Variants in WDFY4 observed in about 807,000 individuals in gnomAD.
WDFY4 encodes WD repeat- and FYVE domain-containing protein 4.
Under a neutral mutation model 351.9 loss-of-function variants are expected in WDFY4, and 169 were observed. That is an observed-to-expected ratio of 0.48 (90% confidence interval 0.42 to 0.55). The LOEUF (loss-of-function observed/expected upper bound fraction) is 0.55. WDFY4 is among the 20% of genes least tolerant of loss of function. The pLI, the probability that WDFY4 is intolerant of heterozygous loss-of-function variation, is 0.00. For synonymous variants in WDFY4, 1,622 were observed against 1,574.6 expected (o/e 1.03, Z -0.71); for missense variants, 3,803 against 3,935.6 (o/e 0.97, Z 0.90).
At chr10:48,803,395 G>A (rs751102548) in intron 25 of WDFY4, 36 bp downstream of exon 25, 32 of 1,545,542 alleles carry the variant, frequency 2.1e-5, no homozygotes, top group Non-Finnish European at 2.7e-5. Flanking sequence ...GGTTAGAACT[G>A]AAGGCTGAAT....
chr10:48,951,691 T>C (rs538959638), intron 51 of WDFY4, among the ~76,000 whole-genome samples: 14 of 152,234 alleles, frequency 9.2e-5, no homozygotes, highest in Non-Finnish European at 1.8e-4. Context: ...GAAAATGTTA[T>C]AGTTCTTAGG....
At chr10:48,931,495 A>C (rs2943249) in intron 47 of WDFY4, among the ~76,000 whole-genome samples, 135,281 of 152,140 alleles carry the variant, frequency 0.89, 61,588 homozygotes, top group East Asian at 1. Flanking sequence ...CTGTTGTGAG[A>C]GGGTGGCCCG....
At chr10:48,934,419 T>C (rs1331283901) in intron 47 of WDFY4, among the ~76,000 whole-genome samples, 3 of 152,138 alleles carry the variant, frequency 2.0e-5, no homozygotes, top group Non-Finnish European at 4.4e-5. Flanking sequence ...GATACAGCAA[T>C]TGAGGCTCAG....
chr10:48,721,407 C>T lies in WDFY4; in HGVS notation c.456+40C>T, dbSNP rs992916492. ...ATCAGCCTCTGCCCTGGGCACTGCT[C>T]ATCTAGGTGCAGAGGGAGGTCCAGC... On this transcript the variant is annotated intron_variant, in intron 4 of 61. Coordinates refer to ENST00000325239, the MANE Select transcript of WDFY4 (RefSeq NM_001394531.1). 7.8e-6 allele frequency: 12 copies of T among 1,532,518 alleles called. No individual in the cohort carries two copies. The Admixed American group carries it at 1.6e-4, about 20-fold the overall frequency. 94.9% of individuals were successfully genotyped at this position (1,532,518 alleles called of 1,614,324 possible). A position where few individuals can be genotyped will look rare whatever the true frequency, so the allele number is the denominator to read the frequency against.
chr10:48,724,520 C>CTT (rs2064200021), intron 5 of WDFY4, among the ~76,000 whole-genome samples: 1 of 152,080 alleles, frequency 6.6e-6, no homozygotes, highest in Non-Finnish European at 1.5e-5. Context: ...GCACCAGGCA[C>CTT]TTTCACAAAT....
chr10:48,887,623 C>CA (rs556227969), intron 43 of WDFY4, among the ~76,000 whole-genome samples: 1 of 151,856 alleles, frequency 6.6e-6, no homozygotes, highest in Non-Finnish European at 1.5e-5. Context: ...CTAAAAAATA[C>CA]AAAAAATTAG....
At position 48,982,825 on chromosome 10, in the gene WDFY4, C is replaced by A; in HGVS notation, c.*250C>A. On this transcript the variant is annotated 3_prime_UTR_variant, in exon 62 of 62. Coordinates refer to ENST00000325239, the MANE Select transcript of WDFY4 (RefSeq NM_001394531.1). ...CGCTGGAAACTGTGACTTGGTGATG[C>A]CCAGCTGCACACGAAATTACACATG... 1.8e-6 allele frequency: 1 copy of A among 564,928 alleles called. No homozygotes were observed. Among genetic ancestry groups the A allele is most frequent in the South Asian group, 1.5e-5 (1 of 65,282 alleles). 35.0% of individuals were successfully genotyped at this position (564,928 alleles called of 1,614,324 possible).
In WDFY4 at chr10:48,720,021, A is replaced by C. The variant is rs1440520691; in HGVS notation, c.245A>C (p.His82Pro). The C allele has an allele frequency of 3.2e-6, 5 of 1,551,406 alleles. No homozygotes were observed. The Admixed American group carries it at 7.8e-5, about 24-fold the overall frequency. The change falls in exon 3 of 62, where the codon CAC becomes CCC. Residue 82 changes from histidine (H) to proline (P), a missense_variant. Physicochemically the swap from His to Pro is moderately conservative, Grantham distance 77 (BLOSUM62 -2). Transcript: ENST00000325239. ...LLPLFLKAWE[H>P]SVGIICFPSL... is the part of the protein sequence containing the mutation. ...CATCTGTTGCTTCAGGCCTGGGAAC[A>C]CTCCGTGGGGATCATCTGCTTTCCC...
At chr10:48,787,467 G>A (rs1236156904) in intron 20 of WDFY4, among the ~76,000 whole-genome samples, 1 of 152,218 alleles carries the variant, frequency 6.6e-6, no homozygotes, top group Non-Finnish European at 1.5e-5. Context: ...ACGAGGTCAG[G>A]TCTAGAGCCA....
Position 48,790,086 on chromosome 10 carries a change from G to T in WDFY4, c.4066+101G>T. 2.5e-6 allele frequency: 3 copies of T among 1,203,048 alleles called. No individual in the cohort carries two copies. The South Asian group carries it at 3.9e-5, about 16-fold the overall frequency. 74.5% of individuals were successfully genotyped at this position (1,203,048 alleles called of 1,614,324 possible). ...TCTGGAGTGGTGGACAGGATGGAGT[G>T]TGCCAGGGAACCAGGGTCGGGAGGA... On this transcript the variant is annotated intron_variant, in intron 22 of 61. Transcript: ENST00000325239.
chr10:48,778,322 C>T (rs1464450995), intron 17 of WDFY4, among the ~76,000 whole-genome samples: 2 of 152,240 alleles, frequency 1.3e-5, no homozygotes, highest in African/African-American at 4.8e-5. Context: ...GTGCCCTTTC[C>T]TATCCAAGGT....
rs75029502 is a variant in WDFY4 at position 48,700,455 on chromosome 10, T to C, written c.-17-9261T>C. Among the ~76,000 whole-genome samples the C allele has an allele frequency of 5.1e-3, 784 of 152,350 alleles. 8 individuals are homozygous for C. The highest frequency in any genetic ancestry group is 0.018 in the African/African-American group (759 of 41,582). ...CTGGGTCTCATCTGTGTCCCCTTTG[T>C]TTACAATAGTGTTCCTCCCTTCCCG... On this transcript the variant is annotated intron_variant, in intron 1 of 61. Transcript: ENST00000325239.
At chr10:48,779,048 G>C (rs1277026423) in intron 18 of WDFY4, among the ~76,000 whole-genome samples, 1 of 152,234 alleles carries the variant, frequency 6.6e-6, no homozygotes, top group African/African-American at 2.4e-5. Context: ...GTGTCAGGCA[G>C]ATGAGGCCCC....
At chr10:48,832,967 G>C (rs150604045) in intron 39 of WDFY4, among the ~76,000 whole-genome samples, 1 of 152,320 alleles carries the variant, frequency 6.6e-6, no homozygotes, top group Non-Finnish European at 1.5e-5. Context: ...AGGGGTGTGA[G>C]CCCAGCAAAG....
intron 5 of WDFY4, 84 bp downstream of exon 5, chr10:48,723,651 T>G: frequency 6.6e-7 from 1 of 1,514,678 alleles, no homozygotes. Context: ...TAGATGCTTT[T>G]GTCTTTCTCA....
intron 13 of WDFY4, among the ~76,000 whole-genome samples, chr10:48,767,662 T>C (rs2065715066): frequency 6.6e-6 from 1 of 152,100 alleles, no homozygotes; most frequent in African/African-American, 2.4e-5. Flanking sequence ...GAGCGAGGGA[T>C]CAGAATCCAT....
At chr10:48,721,465 C>A in intron 4 of WDFY4, 98 bp downstream of exon 4, 2 of 1,088,300 alleles carry the variant, frequency 1.8e-6, no homozygotes, top group East Asian at 2.6e-5. Flanking sequence ...GAGGGTCATT[C>A]GTTTCATAAA....
intron 19 of WDFY4, 89 bp from the exon 20 acceptor site, chr10:48,786,550 A>G: frequency 2.1e-6 from 2 of 971,234 alleles, no homozygotes; most frequent in Non-Finnish European, 3.0e-6. Flanking sequence ...TGAGATGAGA[A>G]TAAGATGCAT....
chr10:48,701,146 G>A (rs1017283696), intron 1 of WDFY4, among the ~76,000 whole-genome samples: 1 of 152,154 alleles, frequency 6.6e-6, no homozygotes, highest in African/African-American at 2.4e-5. Context: ...GAATTTGACT[G>A]CTCCAGGGAC....
Sources: allele counts gnomAD v4.1 joint callset (sites outside exome capture counted in the v4.1 genomes callset), GRCh38; gene constraint gnomAD v4.1.1; transcripts MANE v1.5; gene names NCBI Gene and HGNC (gene_info 2026-07-23, HGNC 2026-07-21).